The following FAHD2B variants were observed in gnomAD, a reference collection of about 807,000 sequenced individuals.
FAHD2B encodes the protein oxaloacetate tautomerase FAHD2B, mitochondrial.
Under a neutral mutation model 33.7 loss-of-function variants are expected in FAHD2B, and 26 were observed. The ratio of observed to expected loss-of-function variants is 0.77; its 90% confidence interval spans 0.57 to 1.07. The LOEUF is 1.07. Ranked by LOEUF, FAHD2B falls within the 50% of genes least tolerant of loss-of-function variation. The pLI, the probability that FAHD2B is intolerant of heterozygous loss-of-function variation, is 0.00. For missense variants in FAHD2B, 272 were observed against 388.1 expected, an observed-to-expected ratio of 0.70 and a Z score of 2.51; for synonymous variants, 108 against 150.9, an observed-to-expected ratio of 0.72 and a Z score of 2.08.
chr2:97,092,832 G>A (rs1208199245), intron 1 of FAHD2B, among the ~76,000 whole-genome samples: 2 of 151,662 alleles, frequency 1.3e-5, no homozygotes, highest in African/African-American at 2.4e-5. Flanking sequence ...AATTAGCCAG[G>A]ACTGGTGGCG....
In FAHD2B at chr2:97,092,399, G is replaced by C. The variant is rs1232944783; in HGVS notation, c.-132-411C>G. Among the ~76,000 whole-genome samples, 7 of 152,096 alleles carry C rather than the reference G, an allele frequency of 4.6e-5. 1 individual carries two copies. Among genetic ancestry groups the C allele is most frequent in the Admixed American group, 3.3e-4 (5 of 15,248 alleles). On this transcript the variant is annotated intron_variant, in intron 1 of 8. Coordinates refer to ENST00000414820, the MANE Select transcript of FAHD2B (RefSeq NM_001320848.2). Reference sequence around the variant, plus strand: ...AATAATTATTTCATTTCTCCTGATAGAGAACAAGTTGCCTGAGGGAAGAGG... The same window carrying C: ...AATAATTATTTCATTTCTCCTGATACAGAACAAGTTGCCTGAGGGAAGAGG...
chr2:97,082,022 G>A (rs1188599007), downstream of FAHD2B: 5 of 1,571,924 alleles, frequency 3.2e-6, no homozygotes, highest in Non-Finnish European at 4.3e-6. Context: ...GGGCAACGGC[G>A]ACTGAGCAGA....
At chr2:97,093,429 T>C (rs1158655263) in intron 1 of FAHD2B, among the ~76,000 whole-genome samples, 1 of 151,330 alleles carries the variant, frequency 6.6e-6, no homozygotes, top group Non-Finnish European at 1.5e-5. Context: ...TGCCGCTGAA[T>C]GCCAACTATT....
At chr2:97,093,365 C>T (rs1220496193) in intron 1 of FAHD2B, among the ~76,000 whole-genome samples, 2 of 151,912 alleles carry the variant, frequency 1.3e-5, no homozygotes, top group Non-Finnish European at 1.5e-5. Flanking sequence ...AAAGGCTGTT[C>T]GAGCCAAAGT....
downstream of FAHD2B, chr2:97,081,206 T>G: frequency 6.7e-7 from 1 of 1,486,770 alleles, no homozygotes; most frequent in Non-Finnish European, 9.0e-7. Context: ...CGCCAGATCC[T>G]GCTGCTGATG....
At chr2:97,078,758 T>A (rs192216406), downstream of FAHD2B, among the ~76,000 whole-genome samples, 94 of 152,246 alleles carry the variant, frequency 6.2e-4, no homozygotes, top group South Asian at 1.5e-3. Flanking sequence ...TACTTTTTTT[T>A]AAACTTTTAT....
chr2:97,086,107 T>G (rs1181071130), intron 5 of FAHD2B, 32 bp downstream of exon 5: 1 of 1,611,340 alleles, frequency 6.2e-7, no homozygotes, highest in Admixed American at 1.7e-5. Flanking sequence ...TCTGCTGCAC[T>G]CTGGCCTGGG....
At chr2:97,082,787 G>A, downstream of FAHD2B, 1 of 1,405,492 alleles carries the variant, frequency 7.1e-7, no homozygotes, top group East Asian at 2.3e-5. Flanking sequence ...ACCATCTTCT[G>A]TCCCCCTGCT....
At position 97,085,895 on chromosome 2, in the gene FAHD2B, T is replaced by A. The variant is rs71429310; in HGVS notation, c.523-34A>T. 1.0e-3 allele frequency: 1,616 copies of A among 1,612,904 alleles called. 21 individuals carry two copies. In the Middle Eastern group the frequency reaches 0.022, roughly 22 times the overall value. On this transcript the variant is annotated intron_variant, in intron 5 of 8. Transcript: ENST00000414820. ...GCAGGGGATTTGGCCATACAGGAGG[T>A]TAGATCACGGGTGACACCAACACCT...
downstream of FAHD2B, chr2:97,083,318 G>C (rs1471095316): frequency 1.9e-6 from 3 of 1,560,908 alleles, no homozygotes; most frequent in East Asian, 2.3e-5. Flanking sequence ...CTGTGTCCTA[G>C]AGCCAGAAGA....
chr2:97,081,135 G>T, downstream of FAHD2B: 5 of 1,482,396 alleles, frequency 3.4e-6, no homozygotes. Context: ...CAGGCAGAGT[G>T]CCGCCCCAGG....
chr2:97,081,560 C>T (rs1296983906), downstream of FAHD2B: 6 of 1,525,542 alleles, frequency 3.9e-6, no homozygotes, highest in South Asian at 1.3e-5. Context: ...GGAGCCTGGC[C>T]TCCTCCAGCC....
In FAHD2B at chr2:97,085,650, G is replaced by A. The variant is rs779823449; in HGVS notation, c.685+49C>T. Reference sequence around the variant, plus strand: ...AACCCATGCTCCTCCCTGGAGGGCTGTTCATCTGTGCAATGGTAGGTACCA... The same window carrying A: ...AACCCATGCTCCTCCCTGGAGGGCTATTCATCTGTGCAATGGTAGGTACCA... On this transcript the variant is annotated intron_variant, in intron 6 of 8. Transcript: ENST00000414820. 2.9e-5 allele frequency: 47 copies of A among 1,607,884 alleles called. No individual in the cohort carries two copies. In the East Asian group the frequency reaches 9.6e-4, roughly 33 times the overall value.
intron 6 of FAHD2B, among the ~76,000 whole-genome samples, chr2:97,084,879 C>T (rs1425306576): frequency 2.1e-5 from 3 of 145,138 alleles, no homozygotes; most frequent in Non-Finnish European, 4.5e-5. Context: ...GGCCACTGCA[C>T]TCTAGCCTGG....
chr2:97,083,036 G>A (rs556760275), downstream of FAHD2B: 2 of 1,187,260 alleles, frequency 1.7e-6, no homozygotes, highest in East Asian at 5.2e-5. Context: ...GAGGTCTAAG[G>A]GGCCAGAGGT....
Position 97,085,875 on chromosome 2 carries a change from G to C in FAHD2B, c.523-14C>G. Reference sequence around the variant, plus strand: ...GGCATCTGTGGCCTATGGGGGCAGGGGATTTGGCCATACAGGAGGTTAGAT... The same window carrying C: ...GGCATCTGTGGCCTATGGGGGCAGGCGATTTGGCCATACAGGAGGTTAGAT... On this transcript the variant is annotated splice_polypyrimidine_tract_variant and intron_variant, in intron 5 of 8. Transcript: ENST00000414820. 2 of 1,613,754 alleles carry C rather than the reference G, an allele frequency of 1.2e-6. No individual in the cohort carries two copies. The highest frequency in any genetic ancestry group is 1.7e-6 in the Non-Finnish European group (2 of 1,179,786).
downstream of FAHD2B, chr2:97,081,166 A>C (rs1313407550): frequency 8.8e-6 from 13 of 1,476,704 alleles, no homozygotes; most frequent in Non-Finnish European, 1.1e-5. Context: ...GCTGCAGGGC[A>C]TATTGCTGCT....
downstream of FAHD2B, chr2:97,082,207 G>A: frequency 1.0e-5 from 16 of 1,531,264 alleles, no homozygotes; most frequent in Non-Finnish European, 1.3e-5. Flanking sequence ...TCAGCCAGCA[G>A]TCACACTGCC....
intron 4 of FAHD2B, among the ~76,000 whole-genome samples, chr2:97,087,209 G>A (rs1439651243): frequency 6.6e-6 from 1 of 151,790 alleles, no homozygotes; most frequent in Non-Finnish European, 1.5e-5. Context: ...CTGCCACCAC[G>A]CCTGGCTAAT....
Sources: gnomAD v4.1 joint callset for allele counts (sites outside exome capture counted in the v4.1 genomes callset) on GRCh38, gnomAD v4.1.1 for gene constraint, MANE v1.5 for transcripts, NCBI Gene and HGNC (gene_info 2026-07-23, HGNC 2026-07-21) for gene names.